Variants in ZBTB7C observed in about 807,000 individuals in gnomAD.
The protein encoded by ZBTB7C is zinc finger and BTB domain-containing protein 7C.
ZBTB7C carries 8 observed loss-of-function variants against 25.7 expected under a neutral mutation model. The observed-to-expected ratio is 0.31, with a 90% confidence interval of 0.18 to 0.56. ZBTB7C has a LOEUF of 0.56. ZBTB7C is among the 20% of genes least tolerant of loss of function. ZBTB7C has a pLI of 0.91. For synonymous variants in ZBTB7C, 394 were observed against 369.0 expected (o/e 1.07, Z -0.78); for missense variants, 824 against 855.2 (o/e 0.96, Z 0.46).
chr18:48,271,077 C>T (rs1568343220), intron 2 of ZBTB7C, among the ~76,000 whole-genome samples: 1 of 152,140 alleles, frequency 6.6e-6, no homozygotes, highest in African/African-American at 2.4e-5. Flanking sequence ...TTAGTAACCA[C>T]AAACAAAACC....
intron 3 of ZBTB7C, among the ~76,000 whole-genome samples, chr18:48,129,295 G>A (rs1354901442): frequency 2.7e-5 from 4 of 150,876 alleles, no homozygotes; most frequent in Admixed American, 2.0e-4. Flanking sequence ...CCCATCTCCT[G>A]GTTAGAACCA....
At chr18:48,340,277 G>A (rs944040502) in intron 1 of ZBTB7C, among the ~76,000 whole-genome samples, 2 of 152,208 alleles carry the variant, frequency 1.3e-5, no homozygotes, top group African/African-American at 4.8e-5. Context: ...CAAAGGCCAG[G>A]AAACCCAGGG....
At chr18:48,098,205 G>A (rs1265327183) in intron 3 of ZBTB7C, among the ~76,000 whole-genome samples, 3 of 152,216 alleles carry the variant, frequency 2.0e-5, no homozygotes, top group Non-Finnish European at 1.5e-5. Flanking sequence ...TGAACAATGA[G>A]TGGATTTCCC....
chr18:48,263,248 A>G (rs1201174145), intron 2 of ZBTB7C, among the ~76,000 whole-genome samples: 2 of 152,216 alleles, frequency 1.3e-5, no homozygotes, highest in Non-Finnish European at 2.9e-5. Flanking sequence ...TGACTGCCTC[A>G]GCCCACGTGG....
At chr18:48,317,945 A>T (rs1380276371) in intron 2 of ZBTB7C, among the ~76,000 whole-genome samples, 1 of 137,606 alleles carries the variant, frequency 7.3e-6, no homozygotes, top group African/African-American at 2.5e-5. Context: ...CATTCAGCAG[A>T]CCTTTCCCCT....
chr18:48,136,592 G>T (rs9953845), intron 3 of ZBTB7C, among the ~76,000 whole-genome samples: 105,313 of 151,924 alleles, frequency 0.69, 36,876 homozygotes, highest in African/African-American at 0.78. Flanking sequence ...AAACTACCAA[G>T]GTACACCCGC....
intron 3 of ZBTB7C, among the ~76,000 whole-genome samples, chr18:48,094,735 T>C (rs984095051): frequency 6.6e-6 from 1 of 152,216 alleles, no homozygotes; most frequent in Non-Finnish European, 1.5e-5. Context: ...TTTACTGCAT[T>C]TTCAATTGCA....
At chr18:48,232,314 T>C (rs777933231) in intron 2 of ZBTB7C, among the ~76,000 whole-genome samples, 13 of 152,226 alleles carry the variant, frequency 8.5e-5, no homozygotes, top group Non-Finnish European at 1.5e-4. Flanking sequence ...TTCTTCCCTA[T>C]AACCTTAAGA....
chr18:48,340,396 A>G (rs2046570675), intron 1 of ZBTB7C, among the ~76,000 whole-genome samples: 1 of 152,206 alleles, frequency 6.6e-6, no homozygotes, highest in African/African-American at 2.4e-5. Flanking sequence ...AGAAGACTAG[A>G]TCTCCAGACT....
intron 3 of ZBTB7C, among the ~76,000 whole-genome samples, chr18:48,086,091 C>T (rs1198134801): frequency 6.6e-6 from 1 of 152,206 alleles, no homozygotes; most frequent in Non-Finnish European, 1.5e-5. Flanking sequence ...TCCCCACCTT[C>T]GTCATGAAGG....
At chr18:48,265,080 G>A (rs1281157821) in intron 2 of ZBTB7C, among the ~76,000 whole-genome samples, 4 of 152,172 alleles carry the variant, frequency 2.6e-5, no homozygotes, top group Admixed American at 1.3e-4. Context: ...GAACTGAAAA[G>A]CCTGGTTTTA....
intron 2 of ZBTB7C, among the ~76,000 whole-genome samples, chr18:48,186,747 G>A (rs963948195): frequency 1.1e-4 from 16 of 152,194 alleles, no homozygotes; most frequent in African/African-American, 3.4e-4. Flanking sequence ...TTCTGCTGAT[G>A]CATACGTGGA....
At chr18:48,137,164 A>G in intron 3 of ZBTB7C, 17 of 985,440 alleles carry the variant, frequency 1.7e-5, no homozygotes, top group Non-Finnish European at 2.0e-5. Flanking sequence ...AAGCCATTCC[A>G]GGAGTGGTTT....
In ZBTB7C at chr18:48,370,736, A is replaced by T. The variant is rs28418379; in HGVS notation, c.-303-32338T>A. Among the ~76,000 whole-genome samples, 552 of 152,242 alleles carry T rather than the reference A, an allele frequency of 3.6e-3. 2 individuals are homozygous for T. Among genetic ancestry groups the T allele is most frequent in the African/African-American group, 0.012 (479 of 41,550 alleles). ...CACGCACATACAAACTCACACACAC[A>T]CTGCCTACGAAGGCCTTCAGCAGTC... On this transcript the variant is annotated intron_variant, in intron 1 of 4. Coordinates refer to ENST00000590800, the MANE Select transcript of ZBTB7C (RefSeq NM_001318841.2).
intron 3 of ZBTB7C, among the ~76,000 whole-genome samples, chr18:48,136,653 A>T (rs1397257712): frequency 6.6e-6 from 1 of 151,994 alleles, no homozygotes; most frequent in Admixed American, 6.6e-5. Flanking sequence ...CCTCGCCCCA[A>T]AGGAGCCCGC....
chr18:48,110,576 C>T (rs1223396642), intron 3 of ZBTB7C, among the ~76,000 whole-genome samples: 1 of 152,216 alleles, frequency 6.6e-6, no homozygotes, highest in African/African-American at 2.4e-5. Flanking sequence ...TTAATCACTC[C>T]TTTTCCCATC....
chr18:48,349,224 A>T (rs1438693102), intron 1 of ZBTB7C, among the ~76,000 whole-genome samples: 2 of 152,228 alleles, frequency 1.3e-5, no homozygotes, highest in African/African-American at 4.8e-5. Flanking sequence ...AAAGGAGGAA[A>T]ACATTTTTCC....
intron 1 of ZBTB7C, among the ~76,000 whole-genome samples, chr18:48,391,325 T>TCCGC (rs2047899205): frequency 1.3e-5 from 2 of 152,222 alleles, no homozygotes; most frequent in African/African-American, 4.8e-5. Flanking sequence ...TTGTCAATGT[T>TCCGC]ACTCTGATCT....
chr18:48,404,334 C>A (rs1305870359), intron 1 of ZBTB7C, among the ~76,000 whole-genome samples: 2 of 151,874 alleles, frequency 1.3e-5, no homozygotes, highest in Non-Finnish European at 2.9e-5. Context: ...ACTTTCCAGA[C>A]AAAGAGAACA....
Sources: allele counts gnomAD v4.1 joint callset (sites outside exome capture counted in the v4.1 genomes callset), GRCh38; gene constraint gnomAD v4.1.1; transcripts MANE v1.5; gene names NCBI Gene and HGNC (gene_info 2026-07-23, HGNC 2026-07-21).